GPHN: variants seen among roughly 807,000 people sequenced by gnomAD.
GPHN encodes gephyrin.
GPHN carries 17 observed loss-of-function variants against 95.5 expected under a neutral mutation model. That is an observed-to-expected ratio of 0.18 (90% CI 0.12 to 0.27). The LOEUF (loss-of-function observed/expected upper bound fraction) is 0.27, where lower values mean the gene tolerates loss of function less well. Among genes scored for constraint, GPHN ranks in the 10% least tolerant of loss-of-function variants. The pLI, the probability that GPHN is intolerant of heterozygous loss-of-function variation, is 1.00. For synonymous variants in GPHN, 320 were observed against 322.5 expected (o/e 0.99, Z 0.08); for missense variants, 660 against 978.1 (o/e 0.67, Z 4.34).
chr14:66,628,845 AT>A (rs1430182928), intron 1 of GPHN, among the ~76,000 whole-genome samples: 1 of 151,680 alleles, frequency 6.6e-6, no homozygotes, highest in East Asian at 1.9e-4. Context: ...AGATTGCTTA[AT>A]CCCAGGAGTT....
intron 8 of GPHN, among the ~76,000 whole-genome samples, chr14:66,946,194 T>C (rs1239122520): frequency 6.6e-6 from 1 of 152,170 alleles, no homozygotes; most frequent in East Asian, 1.9e-4. Flanking sequence ...AATACAGTTG[T>C]TAAGAAGTGA....
At chr14:66,975,416 A>G (rs767902287) in intron 9 of GPHN, among the ~76,000 whole-genome samples, 7 of 152,184 alleles carry the variant, frequency 4.6e-5, no homozygotes, top group Non-Finnish European at 1.0e-4. Context: ...CATGAGTTTA[A>G]TGATATATTG....
the GPHN span, among the ~76,000 whole-genome samples, chr14:67,450,289 AGTAAATTG>A: frequency 3.9e-5 from 6 of 152,196 alleles, no homozygotes; most frequent in Admixed American, 2.0e-4. Flanking sequence ...GACTAAATAC[AGTAAATTG>A]GTACCAGTAG....
chr14:67,549,287 T>A, the GPHN span, among the ~76,000 whole-genome samples: 1 of 151,898 alleles, frequency 6.6e-6, no homozygotes, highest in Non-Finnish European at 1.5e-5. Context: ...TTTTTTTTTT[T>A]TGAGACAGAG....
the GPHN span, chr14:67,692,382 A>C: frequency 1.3e-6 from 2 of 1,578,624 alleles, no homozygotes; most frequent in African/African-American, 2.7e-5. Context: ...CTTTTAGTTG[A>C]ATCTGCCATG....
At chr14:67,209,915 G>T in the GPHN span, among the ~76,000 whole-genome samples, 5 of 151,212 alleles carry the variant, frequency 3.3e-5, no homozygotes, top group African/African-American at 1.2e-4. Context: ...ATTAACAAAT[G>T]ATTTAAGGAC....
chr14:67,303,259 G>A, the GPHN span, among the ~76,000 whole-genome samples: 1 of 152,150 alleles, frequency 6.6e-6, no homozygotes, highest in Non-Finnish European at 1.5e-5. Context: ...GCACAGACTA[G>A]ATTTATGGTC....
intron 1 of GPHN, chr14:66,509,436 C>T (rs1393418179): frequency 6.6e-6 from 1 of 152,198 alleles, no homozygotes; most frequent in Non-Finnish European, 1.5e-5. Context: ...TCGCGTTTCC[C>T]TCCCTCGCGA....
intron 8 of GPHN, among the ~76,000 whole-genome samples, chr14:66,942,124 G>A (rs985476217): frequency 3.9e-5 from 6 of 151,992 alleles, no homozygotes; most frequent in Non-Finnish European, 5.9e-5. Flanking sequence ...TGATTCTCCC[G>A]CCTCAGCCTC....
chr14:66,899,221 G>C (rs895683641), intron 5 of GPHN, among the ~76,000 whole-genome samples: 7 of 150,984 alleles, frequency 4.6e-5, no homozygotes, highest in Non-Finnish European at 7.4e-5. Context: ...AATAGGGGTA[G>C]TTTTACTTCA....
Position 67,159,398 on chromosome 14 carries a change from AT to A in GPHN, c.1837-12del. The A allele has an allele frequency of 6.8e-7, 1 of 1,461,086 alleles. No individual in the cohort carries two copies. The highest frequency in any genetic ancestry group is 9.6e-7 in the Non-Finnish European group (1 of 1,040,282). The allele number at this position is 1,461,086 out of a possible 1,614,324, so 90.5% of individuals were successfully genotyped here. On this transcript the variant is annotated splice_polypyrimidine_tract_variant and intron_variant, in intron 18 of 22. Coordinates refer to ENST00000478722, the MANE Select transcript of GPHN (RefSeq NM_020806.5). Reference sequence around the variant, plus strand: ...TAAAATGTTTGAAAGTAAAGTGATTATTTTTAATGTTTGCAGGACTATCTCA... The same window carrying A: ...TAAAATGTTTGAAAGTAAAGTGATTATTTTAATGTTTGCAGGACTATCTCA...
chr14:67,657,440 C>T, the GPHN span, among the ~76,000 whole-genome samples: 5 of 152,116 alleles, frequency 3.3e-5, no homozygotes, highest in Admixed American at 6.5e-5. Context: ...TCTCAACTGC[C>T]CTAATTTTCT....
chr14:66,627,079 A>G (rs2063554156), intron 1 of GPHN, among the ~76,000 whole-genome samples: 1 of 152,018 alleles, frequency 6.6e-6, no homozygotes, highest in South Asian at 2.1e-4. Context: ...AGATAGCAAT[A>G]TATGACTCTT....
chr14:66,894,853 A>ACT (rs1201884703), intron 5 of GPHN, among the ~76,000 whole-genome samples: 1 of 152,202 alleles, frequency 6.6e-6, no homozygotes, highest in Non-Finnish European at 1.5e-5. Flanking sequence ...AAAAGTCAGG[A>ACT]AACAACAGGT....
the GPHN span, among the ~76,000 whole-genome samples, chr14:67,345,511 C>T: frequency 3.3e-5 from 5 of 150,182 alleles, no homozygotes; most frequent in East Asian, 3.9e-4. Context: ...GCCGAGGTCG[C>T]GCCATTGCAC....
the GPHN span, chr14:67,656,383 T>C: frequency 2.1e-5 from 32 of 1,549,402 alleles, no homozygotes; most frequent in East Asian, 7.0e-4. Flanking sequence ...AATTACCCCA[T>C]ACTTGCCCCT....
At chr14:67,240,483 C>G in the GPHN span, among the ~76,000 whole-genome samples, 1 of 152,188 alleles carries the variant, frequency 6.6e-6, no homozygotes, top group African/African-American at 2.4e-5. Flanking sequence ...GCTGGAGTCA[C>G]AGGCATAGTT....
chr14:67,201,075 C>T, the GPHN span, among the ~76,000 whole-genome samples: 33 of 152,114 alleles, frequency 2.2e-4, no homozygotes, highest in Admixed American at 6.5e-4. Context: ...GCAGGAGGAT[C>T]GCTTGAGGCC....
chr14:67,426,573 GGTTTT>G, the GPHN span, among the ~76,000 whole-genome samples: 2 of 152,000 alleles, frequency 1.3e-5, no homozygotes, highest in African/African-American at 2.4e-5. Flanking sequence ...CTATTTTTTT[GGTTTT>G]GTTTTGTTTT....
Sources: gnomAD v4.1 joint callset for allele counts (sites outside exome capture counted in the v4.1 genomes callset) on GRCh38, gnomAD v4.1.1 for gene constraint, MANE v1.5 for transcripts, NCBI Gene and HGNC (gene_info 2026-07-23, HGNC 2026-07-21) for gene names.